NLRC4: variants seen among roughly 807,000 people sequenced by gnomAD.
The protein encoded by NLRC4 is NLR family CARD domain containing 4.
In NLRC4, 63 loss-of-function variants were observed where a neutral mutation model predicts 79.9. The ratio of observed to expected loss-of-function variants is 0.79; its 90% CI spans 0.64 to 0.97. NLRC4 has a LOEUF of 0.97. NLRC4 is among the 50% of genes least tolerant of loss of function. The pLI, the probability that NLRC4 is intolerant of heterozygous loss-of-function variation, is 0.00. For synonymous variants in NLRC4, 461 were observed against 456.5 expected, an observed-to-expected ratio of 1.01 and a Z score of -0.12; for missense variants, 1,074 against 1,215.2, an observed-to-expected ratio of 0.88 and a Z score of 1.73.
chr2:32,236,375 T>C (rs2148934181), intron 6 of NLRC4, 36 bp from the exon 7 acceptor site: 2 of 1,300,740 alleles, frequency 1.5e-6, no homozygotes, highest in Middle Eastern at 4.0e-4. Context: ...AAAAAGATTT[T>C]CAGGTAAATA....
chr2:32,242,995 G>C (rs766943643), intron 4 of NLRC4, among the ~76,000 whole-genome samples: 7 of 151,800 alleles, frequency 4.6e-5, no homozygotes, highest in Non-Finnish European at 8.8e-5. Context: ...TTGCAATGAA[G>C]TGTGATGACA....
chr2:32,235,336 A>G, intron 8 of NLRC4, 65 bp downstream of exon 8: 1 of 1,228,380 alleles, frequency 8.1e-7, no homozygotes, highest in Non-Finnish European at 1.2e-6. Context: ...AAAATAAGCA[A>G]AGCCAACTTA....
chr2:32,232,449 C>T (rs544804397), intron 8 of NLRC4, among the ~76,000 whole-genome samples: 2 of 152,298 alleles, frequency 1.3e-5, no homozygotes, highest in Admixed American at 6.5e-5. Context: ...CAGGAAAGTA[C>T]ACCCCATCTA....
chr2:32,240,372 G>C (rs935299779), intron 5 of NLRC4, among the ~76,000 whole-genome samples: 11 of 143,288 alleles, frequency 7.7e-5, no homozygotes, highest in African/African-American at 2.9e-4. Flanking sequence ...GAGTATTTTA[G>C]TGAGGACTCA....
intron 4 of NLRC4, among the ~76,000 whole-genome samples, chr2:32,241,538 G>A (rs212722): frequency 6.6e-6 from 1 of 151,576 alleles, no homozygotes; most frequent in Non-Finnish European, 1.5e-5. Context: ...CACCACGCCC[G>A]GCTAATTTTT....
chr2:32,246,739 A>G (rs568166022), intron 4 of NLRC4, among the ~76,000 whole-genome samples: 2 of 152,350 alleles, frequency 1.3e-5, no homozygotes, highest in African/African-American at 2.4e-5. Flanking sequence ...CTGAAATTTC[A>G]TCATGTTAGA....
At chr2:32,253,247 T>A (rs1687125722) in intron 2 of NLRC4, among the ~76,000 whole-genome samples, 1 of 151,478 alleles carries the variant, frequency 6.6e-6, no homozygotes, top group African/African-American at 2.4e-5. Context: ...CCTCCTGGGT[T>A]CAAGCAATTC....
chr2:32,255,702 A>G (rs1323178324), intron 2 of NLRC4, among the ~76,000 whole-genome samples: 2 of 151,862 alleles, frequency 1.3e-5, no homozygotes, highest in Non-Finnish European at 2.9e-5. Flanking sequence ...CATAACTCTC[A>G]TACCCAAAAA....
At chr2:32,235,369 C>A in intron 8 of NLRC4, 32 bp downstream of exon 8, 1 of 1,550,456 alleles carries the variant, frequency 6.4e-7, no homozygotes, top group Non-Finnish European at 8.9e-7. Context: ...GGGCCAAATC[C>A]AGTTATCTTG....
intron 2 of NLRC4, among the ~76,000 whole-genome samples, chr2:32,253,370 G>A (rs973379259): frequency 6.6e-5 from 10 of 151,768 alleles, no homozygotes; most frequent in East Asian, 6.0e-4. Context: ...GACTGGTCTC[G>A]AACTCCTGAC....
At chr2:32,252,218 G>C (rs1255027437) in intron 3 of NLRC4, among the ~76,000 whole-genome samples, 1 of 152,162 alleles carries the variant, frequency 6.6e-6, no homozygotes, top group African/African-American at 2.4e-5. Context: ...TGGCCTTGGG[G>C]TTATTTGTTT....
At chr2:32,244,282 A>G (rs1407237744) in intron 4 of NLRC4, among the ~76,000 whole-genome samples, 10 of 152,104 alleles carry the variant, frequency 6.6e-5, no homozygotes, top group Non-Finnish European at 5.9e-5. Context: ...AATAAAAACA[A>G]TCCAACATCC....
At chr2:32,246,129 A>G (rs1169734295) in intron 4 of NLRC4, among the ~76,000 whole-genome samples, 1 of 152,244 alleles carries the variant, frequency 6.6e-6, no homozygotes, top group Non-Finnish European at 1.5e-5. Context: ...GGTTGCAGTG[A>G]GCCAAGATTG....
chr2:32,244,297 A>T (rs965026755), intron 4 of NLRC4, among the ~76,000 whole-genome samples: 3 of 152,258 alleles, frequency 2.0e-5, no homozygotes, highest in Middle Eastern at 3.4e-3. Flanking sequence ...ACATCCATCC[A>T]TGTAAAATGA....
intron 2 of NLRC4, 134 bp downstream of exon 2, chr2:32,256,638 AAAC>A (rs1451939023): frequency 1.5e-6 from 1 of 665,066 alleles, no homozygotes; most frequent in Non-Finnish European, 2.8e-6. Flanking sequence ...TGAATTCCTA[AAAC>A]AACAGAAGAA....
chr2:32,259,262 ATTTTTTTTTTTTTT>A (rs57570626), intron 1 of NLRC4, among the ~76,000 whole-genome samples: 2 of 52,878 alleles, frequency 3.8e-5, no homozygotes, highest in Non-Finnish European at 6.8e-5. Context: ...TGCCTGGCTA[ATTTTTTTTTTTTTT>A]TTTTTTTTTT....
intron 1 of NLRC4, among the ~76,000 whole-genome samples, chr2:32,258,274 C>A (rs1033720118): frequency 6.6e-6 from 1 of 152,196 alleles, no homozygotes; most frequent in Non-Finnish European, 1.5e-5. Flanking sequence ...CTCTGGACGT[C>A]CAGCTGCTTG....
chr2:32,241,074 A>T lies in NLRC4; in HGVS notation c.2309T>A (p.Met770Lys). ...GNLKNLTKLI[M>K]DNIKMNEEDA... ...TTCTTCATTCATCTTTATGTTATCCATTATGAGCTTTGTAAGGTTCTTCAA... is the reference window on the plus strand; with the variant it reads ...TTCTTCATTCATCTTTATGTTATCCTTTATGAGCTTTGTAAGGTTCTTCAA... The change falls in exon 5 of 9, where the codon ATG becomes AAG. Residue 770 changes from methionine to lysine, a missense_variant. Met to Lys is a moderately conservative substitution (Grantham distance 95). Transcript: ENST00000402280. 6.2e-7 allele frequency: 1 copy of T among 1,610,664 alleles called. No homozygotes were observed. The highest frequency in any genetic ancestry group is 8.5e-7 in the Non-Finnish European group (1 of 1,177,718).
chr2:32,247,319 T>A (rs1042191655), intron 4 of NLRC4, among the ~76,000 whole-genome samples: 7 of 150,018 alleles, frequency 4.7e-5, no homozygotes, highest in African/African-American at 9.7e-5. Flanking sequence ...TTTTTAATTT[T>A]TTTTTTTTTT....
Sources: gnomAD v4.1 joint callset for allele counts (sites outside exome capture counted in the v4.1 genomes callset) on GRCh38, gnomAD v4.1.1 for gene constraint, MANE v1.5 for transcripts, NCBI Gene and HGNC (gene_info 2026-07-23, HGNC 2026-07-21) for gene names.